The following CENPC variants were observed in gnomAD, a reference collection of about 807,000 sequenced individuals.
CENPC encodes the protein centromere protein C.
CENPC carries 63 observed loss-of-function variants against 112.1 expected under a neutral mutation model. The observed-to-expected ratio is 0.56, with a 90% CI of 0.46 to 0.69. The LOEUF (loss-of-function observed/expected upper bound fraction) is 0.69. Among genes scored for constraint, CENPC ranks in the 30% least tolerant of loss-of-function variants. The pLI, the probability that CENPC is intolerant of heterozygous loss-of-function variation, is 0.00. For missense variants in CENPC, 1,000 were observed against 1,103.8 expected, an observed-to-expected ratio of 0.91 and a Z score of 1.33; for synonymous variants, 333 against 367.6, an observed-to-expected ratio of 0.91 and a Z score of 1.08.
chr4:67,493,109 C>T, intron 14 of CENPC, 112 bp from the exon 15 acceptor site: 1 of 816,548 alleles, frequency 1.2e-6, no homozygotes, highest in Non-Finnish European at 1.8e-6. Context: ...GAATATATGT[C>T]TGCAGCTAAT....
At position 67,514,506 on chromosome 4, in the gene CENPC, T is replaced by C; in HGVS notation, c.1012A>G (p.Thr338Ala). The change falls in exon 8 of 19, where the codon ACT (threonine) becomes GCT (alanine). Residue 338 changes from threonine (T) to alanine (A), a missense_variant. By Grantham distance (58) the Thr-to-Ala change is moderately conservative. Transcript: ENST00000273853. ...KQRTISPAES[T>A]ALLQGRKSRE... is the part of the protein sequence containing the mutation. ...GACTTTCTACCTTGAAGGAGTGCAGTGCTCTCAGCCGGGGATATTGTGCGT... is the reference window on the plus strand; with the variant it reads ...GACTTTCTACCTTGAAGGAGTGCAGCGCTCTCAGCCGGGGATATTGTGCGT... 6.2e-7 allele frequency: 1 copy of C among 1,613,476 alleles called. No individual in the cohort carries two copies. Among genetic ancestry groups the C allele is most frequent in the Non-Finnish European group, 8.5e-7 (1 of 1,179,740 alleles).
At chr4:67,517,523 C>G (rs1301461905) in intron 7 of CENPC, among the ~76,000 whole-genome samples, 1 of 151,006 alleles carries the variant, frequency 6.6e-6, no homozygotes, top group Non-Finnish European at 1.5e-5. Flanking sequence ...ATAAGGGCAG[C>G]CTAACATAAC....
intron 5 of CENPC, among the ~76,000 whole-genome samples, chr4:67,521,284 T>C (rs1726222496): frequency 1.3e-5 from 2 of 150,504 alleles, no homozygotes. Flanking sequence ...TAACAATAAA[T>C]TTTAAAGCAA....
intron 9 of CENPC, chr4:67,511,157 T>C: frequency 2.4e-6 from 1 of 418,892 alleles, no homozygotes; most frequent in South Asian, 1.7e-5. Context: ...TGTTACAGAA[T>C]GAGAAACTAA....
Position 67,514,443 on chromosome 4 carries a change from C to A in CENPC, c.1075G>T (p.Ala359Ser). 6.2e-7 allele frequency: 1 copy of A among 1,613,506 alleles called. No individual in the cohort carries two copies. The highest frequency in any genetic ancestry group is 8.5e-7 in the Non-Finnish European group (1 of 1,179,850). The change falls in exon 8 of 19, where the codon GCA becomes TCA. Residue 359 changes from alanine (A) to serine (S), a missense_variant. Physicochemically the swap from Ala to Ser is moderately conservative, Grantham distance 99 (BLOSUM62 1). Coordinates refer to ENST00000273853, the MANE Select transcript of CENPC (RefSeq NM_001812.4). ...GGTTTATGGGAATGTTTGTCATTTG[C>A]CAAAGTCTTAGGTAATATATTATGA... ...KHHNILPKTLANDKHSHKPHP... is the reference protein window; with the variant it reads ...KHHNILPKTLSNDKHSHKPHP...
intron 12 of CENPC, among the ~76,000 whole-genome samples, chr4:67,503,323 A>G (rs558010916): frequency 1.0e-3 from 153 of 152,214 alleles, no homozygotes; most frequent in African/African-American, 3.3e-3. Context: ...TTACCCAGAC[A>G]GCTGCACGGT....
Position 67,512,576 on chromosome 4 carries a change from T to C in CENPC, c.1445-7A>G, listed in dbSNP as rs1560433194. ...GTGCTACTTTTCTTGCTTCCTAAAATAAAGAAAACCATAAAACCAATTCAC... is the reference window on the plus strand; with the variant it reads ...GTGCTACTTTTCTTGCTTCCTAAAACAAAGAAAACCATAAAACCAATTCAC... On this transcript the variant is annotated splice_region_variant and splice_polypyrimidine_tract_variant and intron_variant, in intron 8 of 18. Coordinates refer to ENST00000273853, the MANE Select transcript of CENPC (RefSeq NM_001812.4). 1.3e-6 allele frequency: 2 copies of C among 1,494,928 alleles called. No individual in the cohort carries two copies. Among genetic ancestry groups the C allele is most frequent in the East Asian group, 2.4e-5 (1 of 41,076 alleles). 92.6% of individuals were successfully genotyped at this position (1,494,928 alleles called of 1,614,324 possible). A position where few individuals can be genotyped will look rare whatever the true frequency, so the allele number is the denominator to read the frequency against.
intron 5 of CENPC, among the ~76,000 whole-genome samples, chr4:67,527,100 A>T (rs1726403205): frequency 6.6e-6 from 1 of 152,198 alleles, no homozygotes; most frequent in African/African-American, 2.4e-5. Context: ...ACAAAACATG[A>T]GATACAAAAC....
In CENPC at chr4:67,505,248, A is replaced by G; in HGVS notation, c.2088T>C (p.Ser696=). 1 of 1,581,560 alleles carries G rather than the reference A, an allele frequency of 6.3e-7. No homozygotes were observed. The highest frequency in any genetic ancestry group is 1.2e-5 in the South Asian group (1 of 84,464). Residue 696 remains serine (S), a synonymous_variant, in exon 12 of 19, where the codon TCT becomes TCC. Coordinates refer to ENST00000273853, the MANE Select transcript of CENPC (RefSeq NM_001812.4). ...PSRLNNNYLM[S]GKNDVDDEEV... is the part of the protein sequence containing the mutation. ...CCTCATCATCCACATCATTCTTTCC[A>G]GACATTAAATAATTATTATTGAGCC...
chr4:67,525,997 A>G (rs967442311), intron 5 of CENPC, among the ~76,000 whole-genome samples: 1 of 152,366 alleles, frequency 6.6e-6, no homozygotes, highest in Admixed American at 6.5e-5. Flanking sequence ...AGCCATAAAA[A>G]AGAAATGAGT....
At chr4:67,509,199 TATACACATAC>T (rs1460233981) in intron 9 of CENPC, 94 bp from the exon 10 acceptor site, 1 of 630,626 alleles carries the variant, frequency 1.6e-6, no homozygotes, top group Non-Finnish European at 2.7e-6. Flanking sequence ...CATATAAACA[TATACACATAC>T]ACACACACAC....
Position 67,470,887 on chromosome 4 carries a change from A to G in CENPC, c.*1718T>C, listed in dbSNP as rs1428371111. On this transcript the variant is annotated 3_prime_UTR_variant, in exon 19 of 19. Transcript: ENST00000273853. ...AAGGTTACAGTCCTAGTTCTTGAAG[A>G]GCAACAGAGCAGCCAGACATTTAAC... is the stretch of plus-strand genomic sequence containing the variant. 6.6e-6 allele frequency: 1 copy of G among 152,288 alleles called. No homozygotes were observed. The highest frequency in any genetic ancestry group is 1.5e-5 in the Non-Finnish European group (1 of 68,070). 9.4% of individuals were successfully genotyped at this position (152,288 alleles called of 1,614,324 possible).
chr4:67,505,128 G>A (rs1036607076), intron 12 of CENPC, 77 bp downstream of exon 12: 2 of 1,027,928 alleles, frequency 1.9e-6, no homozygotes, highest in Admixed American at 2.6e-5. Flanking sequence ...CAGTGACAAT[G>A]TAAACAAAAC....
intron 4 of CENPC, among the ~76,000 whole-genome samples, chr4:67,538,028 C>T (rs1458414082): frequency 6.6e-6 from 1 of 151,876 alleles, no homozygotes; most frequent in Non-Finnish European, 1.5e-5. Flanking sequence ...TTAAAATTCT[C>T]GCAAAGAGAA....
intron 18 of CENPC, among the ~76,000 whole-genome samples, chr4:67,473,714 G>C (rs1337192677): frequency 6.6e-6 from 1 of 151,862 alleles, no homozygotes; most frequent in Non-Finnish European, 1.5e-5. Context: ...ACCGTGCCTG[G>C]TTAACTTTTG....
At chr4:67,497,244 G>A (rs1330372810) in intron 12 of CENPC, among the ~76,000 whole-genome samples, 2 of 151,904 alleles carry the variant, frequency 1.3e-5, no homozygotes, top group East Asian at 3.9e-4. Context: ...CGGGCATGGT[G>A]GCACACGCCT....
In CENPC at chr4:67,471,190, A is replaced by AG. The variant is rs1214543881; in HGVS notation, c.*1414dup. ...CTATGCAGACACAGGAACTACCCCTAGCAAGCAAGAATAAATATTGAAATA... is the reference window on the plus strand; with the variant it reads ...CTATGCAGACACAGGAACTACCCCTAGGCAAGCAAGAATAAATATTGAAATA... On this transcript the variant is annotated 3_prime_UTR_variant, in exon 19 of 19. Transcript: ENST00000273853. The AG allele has an allele frequency of 3.3e-5, 5 of 152,250 alleles. No individual in the cohort carries two copies. The highest frequency in any genetic ancestry group is 7.3e-5 in the Non-Finnish European group (5 of 68,050). The allele number at this position is 152,250 out of a possible 1,614,324, so 9.4% of individuals were successfully genotyped here.
intron 16 of CENPC, among the ~76,000 whole-genome samples, chr4:67,491,511 A>AGAGAGAGAGAGAGAGAGAGAGG (rs1553893243): frequency 1.7e-5 from 2 of 114,582 alleles, no homozygotes; most frequent in African/African-American, 7.0e-5. Flanking sequence ...AGAGAGAGAG[A>AGAGAGAGAGAGAGAGAGAGAGG]GAGAGAGAGA....
In CENPC at chr4:67,535,541, G is replaced by A. The variant is rs138381189; in HGVS notation, c.231+4299C>T. On this transcript the variant is annotated intron_variant, in intron 4 of 18. Transcript: ENST00000273853. ...TAGACGTTTGTCATAGAAAACTGGT[G>A]ATGAATTAGTCACAGGTGCACAGAA... Among the ~76,000 whole-genome samples, 14 of 152,152 alleles carry A rather than the reference G, an allele frequency of 9.2e-5. No homozygotes were observed. In the East Asian group the frequency reaches 2.7e-3, roughly 29 times the overall value.
Sources: allele counts gnomAD v4.1 joint callset (sites outside exome capture counted in the v4.1 genomes callset), GRCh38; gene constraint gnomAD v4.1.1; transcripts MANE v1.5; gene names NCBI Gene and HGNC (gene_info 2026-07-23, HGNC 2026-07-21).